The following NKAIN3 variants were observed in gnomAD, a reference collection of about 807,000 sequenced individuals.
NKAIN3 encodes sodium/potassium-transporting ATPase subunit beta-1-interacting protein 3.
NKAIN3 carries 25 observed loss-of-function variants against 30.2 expected under a neutral mutation model. The ratio of observed to expected loss-of-function variants is 0.83; its 90% confidence interval spans 0.60 to 1.16. The LOEUF (loss-of-function observed/expected upper bound fraction) is 1.16, where lower values mean the gene tolerates loss of function less well. Ranked by LOEUF, NKAIN3 falls within the 50% of genes most tolerant of loss-of-function variation. NKAIN3 has a pLI of 0.00. For missense variants in NKAIN3, 225 were observed against 254.1 expected, an observed-to-expected ratio of 0.89 and a Z score of 0.78; for synonymous variants, 91 against 89.6, an observed-to-expected ratio of 1.02 and a Z score of -0.09.
chr8:62,360,827 A>G lies in NKAIN3; in HGVS notation c.54+111700A>G, dbSNP rs184659299. On this transcript the variant is annotated intron_variant, in intron 1 of 6. Coordinates refer to ENST00000623646, the MANE Select transcript of NKAIN3 (RefSeq NM_001304533.3). ...CCCTGTATTGGGTGCATATATATTT[A>G]GGGTAGTTAGCTCTCTTGTTGAATT... Among the ~76,000 whole-genome samples, 132 of 152,244 alleles carry G rather than the reference A, an allele frequency of 8.7e-4. No homozygotes were observed. In the Middle Eastern group the frequency reaches 0.02, roughly 24 times the overall value.
intron 3 of NKAIN3, among the ~76,000 whole-genome samples, chr8:62,680,713 G>GGTGT (rs141207002): frequency 5.3e-5 from 8 of 150,014 alleles, no homozygotes; most frequent in African/African-American, 1.7e-4. Context: ...TTTGAAGGCT[G>GGTGT]GTGTGTGTGT....
intron 4 of NKAIN3, among the ~76,000 whole-genome samples, chr8:62,823,000 G>A (rs544009833): frequency 1.3e-5 from 2 of 152,262 alleles, no homozygotes; most frequent in South Asian, 2.1e-4. Context: ...CAGTAAAAAT[G>A]TAGGTGGTAT....
chr8:62,846,216 A>G (rs574705010), intron 4 of NKAIN3, among the ~76,000 whole-genome samples: 92 of 152,316 alleles, frequency 6.0e-4, no homozygotes, highest in Middle Eastern at 3.4e-3. Context: ...AAGAGGCATG[A>G]ACTAAAAGAG....
Position 62,967,122 on chromosome 8 carries a change from G to T in NKAIN3, c.*1715G>T, listed in dbSNP as rs1014410993. 2.0e-5 allele frequency among the ~76,000 whole-genome samples: 3 copies of T among 152,072 alleles called. No individual in the cohort carries two copies. Among genetic ancestry groups the T allele is most frequent in the Non-Finnish European group, 4.4e-5 (3 of 68,014 alleles). ...TCCAAATTCAAATAAAGAAAAGCTGGCAGGGACCTTGAAGATGGTGGAATC... is the reference window on the plus strand; with the variant it reads ...TCCAAATTCAAATAAAGAAAAGCTGTCAGGGACCTTGAAGATGGTGGAATC... On this transcript the variant is annotated 3_prime_UTR_variant, in exon 7 of 7. Transcript: ENST00000623646.
chr8:62,719,847 C>T (rs1815031975), intron 3 of NKAIN3, among the ~76,000 whole-genome samples: 3 of 150,352 alleles, frequency 2.0e-5, no homozygotes, highest in Admixed American at 1.3e-4. Context: ...AGCTCCGCCT[C>T]CCAGGTTCAC....
At chr8:62,567,334 AG>A (rs1809789264) in intron 1 of NKAIN3, among the ~76,000 whole-genome samples, 1 of 152,166 alleles carries the variant, frequency 6.6e-6, no homozygotes, top group Non-Finnish European at 1.5e-5. Flanking sequence ...GCCCACTAGC[AG>A]GCAGGGTACC....
At chr8:62,616,698 C>T (rs1179905389) in intron 3 of NKAIN3, among the ~76,000 whole-genome samples, 2 of 152,076 alleles carry the variant, frequency 1.3e-5, no homozygotes, top group Non-Finnish European at 2.9e-5. Flanking sequence ...TCTCCAGTCC[C>T]CTTTCCCCTC....
At chr8:62,763,671 A>G (rs1227160194) in intron 4 of NKAIN3, among the ~76,000 whole-genome samples, 1 of 152,234 alleles carries the variant, frequency 6.6e-6, no homozygotes, top group Non-Finnish European at 1.5e-5. Flanking sequence ...CTGTGTTGTA[A>G]GGCTTGGCTA....
chr8:62,923,997 G>A (rs1409388622), intron 5 of NKAIN3, among the ~76,000 whole-genome samples: 3 of 152,132 alleles, frequency 2.0e-5, no homozygotes, highest in African/African-American at 7.2e-5. Flanking sequence ...CAGATCCAAG[G>A]TTACCACTAA....
chr8:62,282,545 A>G (rs145051572), intron 1 of NKAIN3, among the ~76,000 whole-genome samples: 1 of 152,262 alleles, frequency 6.6e-6, no homozygotes, highest in Non-Finnish European at 1.5e-5. Flanking sequence ...TCTTTATCAA[A>G]AGGATTTGTT....
intron 4 of NKAIN3, among the ~76,000 whole-genome samples, chr8:62,861,932 T>A (rs1820252239): frequency 6.6e-6 from 1 of 152,174 alleles, no homozygotes; most frequent in Non-Finnish European, 1.5e-5. Context: ...AAACGAGGAT[T>A]CCTGAAAACA....
chr8:62,598,251 G>A (rs1810890835), intron 3 of NKAIN3, among the ~76,000 whole-genome samples: 1 of 151,988 alleles, frequency 6.6e-6, no homozygotes, highest in Non-Finnish European at 1.5e-5. Context: ...CAGAAATGGG[G>A]CTGAGTTTGG....
At chr8:62,825,966 A>G (rs17265947) in intron 4 of NKAIN3, among the ~76,000 whole-genome samples, 22,852 of 152,096 alleles carry the variant, frequency 0.15, 1,800 homozygotes, top group Non-Finnish European at 0.17. Context: ...CATATTTTAC[A>G]TGCCATGTCA....
At position 62,629,925 on chromosome 8, in the gene NKAIN3, C is replaced by T. The variant is rs1586027576; in HGVS notation, c.273+40131C>T. Among the ~76,000 whole-genome samples the T allele has an allele frequency of 5.9e-5, 9 of 152,180 alleles. No homozygotes were observed. In the South Asian group the frequency reaches 1.9e-3, roughly 32 times the overall value. On this transcript the variant is annotated intron_variant, in intron 3 of 6. Coordinates refer to ENST00000623646, the MANE Select transcript of NKAIN3 (RefSeq NM_001304533.3). ...ATCTTTCTAATGCAATTACTGTAGT[C>T]TCCACTTATCTGTGGTTTTACTTTC...
intron 4 of NKAIN3, among the ~76,000 whole-genome samples, chr8:62,852,404 G>A (rs922836282): frequency 2.0e-5 from 3 of 152,054 alleles, no homozygotes; most frequent in Admixed American, 6.6e-5. Context: ...TCAAAAACCA[G>A]CTCCTGGATT....
At chr8:62,606,611 G>A (rs1047623216) in intron 3 of NKAIN3, among the ~76,000 whole-genome samples, 10 of 152,020 alleles carry the variant, frequency 6.6e-5, no homozygotes, top group African/African-American at 2.4e-4. Context: ...AGTTGTCTGG[G>A]GACTTGATTT....
intron 1 of NKAIN3, among the ~76,000 whole-genome samples, chr8:62,329,127 G>A (rs1815249214): frequency 6.6e-6 from 1 of 151,920 alleles, no homozygotes; most frequent in Admixed American, 6.6e-5. Flanking sequence ...GCCCAGTCAA[G>A]TTTCAAGTTA....
chr8:62,432,916 T>C (rs911339657), intron 1 of NKAIN3, among the ~76,000 whole-genome samples: 23 of 152,092 alleles, frequency 1.5e-4, no homozygotes, highest in African/African-American at 5.6e-4. Context: ...CAAAGCCCTA[T>C]GTCCCTACCA....
chr8:62,948,295 G>T (rs538335852), intron 5 of NKAIN3, among the ~76,000 whole-genome samples: 4 of 152,126 alleles, frequency 2.6e-5, no homozygotes, highest in East Asian at 3.9e-4. Context: ...CTCCTCGAGG[G>T]TTCAAGCAAT....
Sources: gnomAD v4.1 joint callset for allele counts (sites outside exome capture counted in the v4.1 genomes callset) on GRCh38, gnomAD v4.1.1 for gene constraint, MANE v1.5 for transcripts, NCBI Gene and HGNC (gene_info 2026-07-23, HGNC 2026-07-21) for gene names.